NAA15: variants seen among roughly 807,000 people sequenced by gnomAD.
NAA15 encodes the protein N-terminal acetyltransferase.
In NAA15, 34 loss-of-function variants were observed where a neutral mutation model predicts 114.0. That is an observed-to-expected ratio of 0.30 (90% confidence interval 0.23 to 0.40). The LOEUF is 0.40. NAA15 is among the 10% of genes least tolerant of loss of function. The pLI is 1.00. For synonymous variants in NAA15, 340 were observed against 338.0 expected (o/e 1.01, Z -0.06); for missense variants, 658 against 1,004.5 (o/e 0.66, Z 4.66).
chr4:139,331,941 C>T (rs925537200), intron 1 of NAA15, among the ~76,000 whole-genome samples: 3 of 152,008 alleles, frequency 2.0e-5, no homozygotes, highest in Admixed American at 6.6e-5. Flanking sequence ...ACCTATTGCT[C>T]GTTTCCTGCA....
intron 14 of NAA15, among the ~76,000 whole-genome samples, chr4:139,368,089 GT>G (rs1404658370): frequency 1.3e-5 from 2 of 152,078 alleles, no homozygotes; most frequent in South Asian, 2.1e-4. Flanking sequence ...CACATTTTAG[GT>G]TTTTGTTACA....
At chr4:139,331,330 T>C (rs1464099296) in intron 1 of NAA15, among the ~76,000 whole-genome samples, 2 of 152,216 alleles carry the variant, frequency 1.3e-5, no homozygotes, top group Non-Finnish European at 2.9e-5. Flanking sequence ...CTTTTAAATA[T>C]TTGTTGACCT....
At chr4:139,326,001 C>T (rs1312053316) in intron 1 of NAA15, among the ~76,000 whole-genome samples, 1 of 152,136 alleles carries the variant, frequency 6.6e-6, no homozygotes, top group Non-Finnish European at 1.5e-5. Context: ...TAAACTATTC[C>T]ATAAGTTTTG....
intron 2 of NAA15, among the ~76,000 whole-genome samples, chr4:139,335,231 T>C (rs1747160723): frequency 6.6e-6 from 1 of 152,206 alleles, no homozygotes; most frequent in South Asian, 2.1e-4. Flanking sequence ...TTAAAAATTA[T>C]TTTTGCTGAC....
intron 6 of NAA15, 133 bp downstream of exon 6, chr4:139,344,472 C>T: frequency 1.5e-6 from 1 of 651,484 alleles, no homozygotes; most frequent in Non-Finnish European, 2.6e-6. Flanking sequence ...TACTCGTGTA[C>T]TTTTAATAGT....
intron 1 of NAA15, among the ~76,000 whole-genome samples, chr4:139,327,381 C>G (rs1192889536): frequency 6.6e-6 from 1 of 152,174 alleles, no homozygotes; most frequent in East Asian, 1.9e-4. Context: ...TCCCAAGTAG[C>G]TGGGACTACA....
At chr4:139,332,572 GTTT>G (rs1164115947) in intron 1 of NAA15, among the ~76,000 whole-genome samples, 286 of 61,924 alleles carry the variant, frequency 4.6e-3, no homozygotes, top group African/African-American at 0.022. Context: ...TGGTTTGTAT[GTTT>G]TTTTTTTTTT....
intron 10 of NAA15, among the ~76,000 whole-genome samples, chr4:139,357,167 A>G (rs1166341115): frequency 1.3e-5 from 2 of 152,184 alleles, no homozygotes; most frequent in African/African-American, 4.8e-5. Context: ...TCATAAAGTT[A>G]TTATATGAAA....
At position 139,336,831 on chromosome 4, in the gene NAA15, T is replaced by C. The variant is rs1377060633; in HGVS notation, c.140-17T>C. 4 of 1,444,252 alleles carry C rather than the reference T, an allele frequency of 2.8e-6. No individual in the cohort carries two copies. The highest frequency in any genetic ancestry group is 3.7e-6 in the Non-Finnish European group (4 of 1,077,834). The allele number at this position is 1,444,252 out of a possible 1,614,324, so 89.5% of individuals were successfully genotyped here. ...TTTTTTTAAAATGTTCCTTTTCTTC[T>C]TTGTTTTTGAAAATAGAAACCTTGG... On this transcript the variant is annotated splice_polypyrimidine_tract_variant and intron_variant, in intron 2 of 19. Transcript: ENST00000296543.
chr4:139,307,104 A>G (rs1297323213), intron 1 of NAA15, among the ~76,000 whole-genome samples: 1 of 152,170 alleles, frequency 6.6e-6, no homozygotes, highest in East Asian at 1.9e-4. Flanking sequence ...CATGATGATT[A>G]TGTTTGTGAT....
chr4:139,370,708 G>C lies in NAA15; in HGVS notation c.1947+304G>C, dbSNP rs2110978229. Among the ~76,000 whole-genome samples the C allele has an allele frequency of 2.0e-5, 3 of 152,216 alleles. 1 individual carries two copies. Among genetic ancestry groups the C allele is most frequent in the Middle Eastern group, 3.4e-3 (1 of 294 alleles). ...CTTATATTTTCACTGTGTGCCCTTG[G>C]ACACTTTGTCTAACCTCTCTGATGG... On this transcript the variant is annotated intron_variant, in intron 15 of 19. Coordinates refer to ENST00000296543, the MANE Select transcript of NAA15 (RefSeq NM_057175.5).
chr4:139,311,834 C>T (rs1746236047), intron 1 of NAA15, among the ~76,000 whole-genome samples: 1 of 151,796 alleles, frequency 6.6e-6, no homozygotes, highest in East Asian at 1.9e-4. Context: ...CGCAGGGGTG[C>T]ATGCCAGTTA....
At chr4:139,332,588 T>TTTTTTTG (rs1224679775) in intron 1 of NAA15, among the ~76,000 whole-genome samples, 2 of 128,910 alleles carry the variant, frequency 1.6e-5, no homozygotes, top group African/African-American at 6.2e-5. Context: ...TTTTTTTTTT[T>TTTTTTTG]TTTTTTTTTT....
Position 139,384,844 on chromosome 4 carries a change from GT to G in NAA15, c.2169del (p.Ser723ArgfsTer12). 1 of 1,449,282 alleles carries G rather than the reference GT, an allele frequency of 6.9e-7. No homozygotes were observed. Among genetic ancestry groups the G allele is most frequent in the Non-Finnish European group, 9.2e-7 (1 of 1,085,338 alleles). 89.8% of individuals were successfully genotyped at this position (1,449,282 alleles called of 1,614,324 possible). On this transcript the variant is annotated frameshift_variant, in exon 18 of 20. Transcript: ENST00000296543. LOFTEE classifies it high-confidence loss of function. ...TTAATTTATTCAGCAGTGTGTGAAA[GT>G]AAAGATTTATCTGATACAGTTAGAA... Reference protein sequence around the residue: ...IRLFNTAVCESKDLSDTVRTV... With the variant: ...IRLFNTAVCEXKDLSDTVRTV...
chr4:139,335,982 C>T (rs943968306), intron 2 of NAA15, among the ~76,000 whole-genome samples: 3 of 152,144 alleles, frequency 2.0e-5, no homozygotes, highest in African/African-American at 7.2e-5. Context: ...TGATCTGGAA[C>T]TCCTGACCTC....
intron 3 of NAA15, among the ~76,000 whole-genome samples, chr4:139,339,782 AAAC>A (rs975425603): frequency 3.3e-5 from 5 of 152,028 alleles, no homozygotes; most frequent in African/African-American, 4.8e-5. Flanking sequence ...CAACAACAAA[AAAC>A]AACAAAACCC....
chr4:139,336,302 A>G (rs1466895769), intron 2 of NAA15, among the ~76,000 whole-genome samples: 1 of 152,044 alleles, frequency 6.6e-6, no homozygotes, highest in Non-Finnish European at 1.5e-5. Flanking sequence ...CTCTCTTTTA[A>G]TCTTTTGGTT....
At chr4:139,383,874 GTTTTC>G (rs1196809646) in intron 17 of NAA15, among the ~76,000 whole-genome samples, 8 of 152,180 alleles carry the variant, frequency 5.3e-5, no homozygotes, top group African/African-American at 1.9e-4. Flanking sequence ...CATCAACCAT[GTTTTC>G]TTTTGTTTTT....
rs143250549 is a variant in NAA15, at chr4:139,362,389, G to A, written c.1753+452G>A. 8.6e-3 allele frequency among the ~76,000 whole-genome samples: 1,312 copies of A among 152,072 alleles called. 19 individuals are homozygous for A. Among genetic ancestry groups the A allele is most frequent in the African/African-American group, 0.03 (1,239 of 41,498 alleles). ...CCCAGGTTCAAGCGATTCTCCTGCC[G>A]CAGCCTTCTGAGTAGCTGGGATTAC... is the stretch of plus-strand genomic sequence containing the variant. On this transcript the variant is annotated intron_variant, in intron 14 of 19. Coordinates refer to ENST00000296543, the MANE Select transcript of NAA15 (RefSeq NM_057175.5).
Sources: allele counts gnomAD v4.1 joint callset (sites outside exome capture counted in the v4.1 genomes callset), GRCh38; gene constraint gnomAD v4.1.1; transcripts MANE v1.5; gene names NCBI Gene and HGNC (gene_info 2026-07-23, HGNC 2026-07-21).